MCC: variants seen among roughly 807,000 people sequenced by gnomAD.
MCC encodes the protein MCC regulator of Wnt signaling pathway.
A neutral mutation model predicts 116.2 loss-of-function variants in MCC; 90 were observed. That is an observed-to-expected ratio of 0.77 (90% confidence interval 0.65 to 0.92). MCC has a LOEUF of 0.92. Among genes scored for constraint, MCC ranks in the 40% least tolerant of loss-of-function variants. The pLI is 0.00. For synonymous variants in MCC, 578 were observed against 510.5 expected (o/e 1.13, Z -1.78); for missense variants, 1,516 against 1,312.2 (o/e 1.16, Z -2.40).
chr5:113,268,269 G>A (rs1189318954), intron 3 of MCC, among the ~76,000 whole-genome samples: 2 of 152,138 alleles, frequency 1.3e-5, no homozygotes, highest in African/African-American at 4.8e-5. Flanking sequence ...TGGAACTGAG[G>A]TCCCTCAAGG....
chr5:113,481,687 C>A (rs568274095), intron 1 of MCC, among the ~76,000 whole-genome samples: 1 of 151,984 alleles, frequency 6.6e-6, no homozygotes, highest in Non-Finnish European at 1.5e-5. Flanking sequence ...TGCAGTGAGC[C>A]GAGATTGTGC....
At chr5:113,305,511 C>T (rs1011758914) in intron 3 of MCC, among the ~76,000 whole-genome samples, 1 of 152,216 alleles carries the variant, frequency 6.6e-6, no homozygotes, top group East Asian at 1.9e-4. Flanking sequence ...AGTTTCCAGT[C>T]TAATAAGTTT....
chr5:113,086,873 C>T (rs889534668), intron 8 of MCC, among the ~76,000 whole-genome samples: 10 of 152,210 alleles, frequency 6.6e-5, no homozygotes, highest in Admixed American at 5.9e-4. Flanking sequence ...AAAACAGATT[C>T]CAGGGCCCTA....
chr5:113,048,901 G>A (rs1321949110), intron 16 of MCC, 192 bp downstream of exon 16: 1 of 604,394 alleles, frequency 1.7e-6, no homozygotes, highest in Non-Finnish European at 3.0e-6. Context: ...GTGAGATTTG[G>A]TATTTCTAAA....
intron 3 of MCC, among the ~76,000 whole-genome samples, chr5:113,312,673 T>C (rs1218181450): frequency 1.3e-5 from 2 of 152,232 alleles, no homozygotes; most frequent in African/African-American, 4.8e-5. Flanking sequence ...CAAAGAACTA[T>C]GAGAACTACT....
chr5:113,262,165 T>A (rs1765241401), intron 3 of MCC, among the ~76,000 whole-genome samples: 1 of 152,130 alleles, frequency 6.6e-6, no homozygotes, highest in Non-Finnish European at 1.5e-5. Flanking sequence ...AACAAATGCA[T>A]CCTCTAGGAT....
intron 3 of MCC, among the ~76,000 whole-genome samples, chr5:113,283,327 A>C (rs930380343): frequency 3.3e-5 from 5 of 152,250 alleles, no homozygotes; most frequent in African/African-American, 1.2e-4. Context: ...ACTCAACATC[A>C]ACAAAAGCCA....
intron 1 of MCC, among the ~76,000 whole-genome samples, chr5:113,464,828 G>A (rs460079): frequency 0.72 from 109,556 of 151,444 alleles, 40,065 homozygotes; most frequent in East Asian, 0.88. Flanking sequence ...TCCACTCATG[G>A]CAGCAATAAA....
chr5:113,426,968 C>T (rs1187705322), intron 1 of MCC, among the ~76,000 whole-genome samples: 1 of 152,068 alleles, frequency 6.6e-6, no homozygotes, highest in Admixed American at 6.5e-5. Context: ...CTCAAAATAG[C>T]CTTTGAGGAC....
At chr5:113,326,295 G>T (rs2077909937) in intron 3 of MCC, among the ~76,000 whole-genome samples, 1 of 152,110 alleles carries the variant, frequency 6.6e-6, no homozygotes, top group South Asian at 2.1e-4. Context: ...TATCATTTGG[G>T]TGCTGTCTTA....
intron 3 of MCC, among the ~76,000 whole-genome samples, chr5:113,315,328 A>G (rs1304605803): frequency 6.6e-6 from 1 of 152,154 alleles, no homozygotes; most frequent in African/African-American, 2.4e-5. Context: ...TAGAAATTGA[A>G]TATTCTTTAC....
At chr5:113,452,176 C>T (rs941003630) in intron 1 of MCC, among the ~76,000 whole-genome samples, 1 of 152,198 alleles carries the variant, frequency 6.6e-6, no homozygotes, top group Non-Finnish European at 1.5e-5. Context: ...AAGTCACACA[C>T]CATCACTTCC....
At chr5:113,479,160 A>G (rs543204748) in intron 1 of MCC, among the ~76,000 whole-genome samples, 2 of 152,380 alleles carry the variant, frequency 1.3e-5, no homozygotes, top group South Asian at 4.1e-4. Flanking sequence ...CTACTGATAT[A>G]TGTAAAAGTA....
intron 3 of MCC, among the ~76,000 whole-genome samples, chr5:113,221,292 C>G (rs1763544144): frequency 6.6e-6 from 1 of 152,238 alleles, no homozygotes; most frequent in Non-Finnish European, 1.5e-5. Context: ...AAAATTGTAA[C>G]TGAGACAGTG....
At chr5:113,187,416 T>C (rs945226277) in intron 3 of MCC, among the ~76,000 whole-genome samples, 32 of 152,086 alleles carry the variant, frequency 2.1e-4, no homozygotes, top group Non-Finnish European at 3.2e-4. Flanking sequence ...GCCTCCTCTG[T>C]TTCCTTTTAA....
chr5:113,197,873 C>T (rs1461814163), intron 3 of MCC, among the ~76,000 whole-genome samples: 2 of 152,230 alleles, frequency 1.3e-5, no homozygotes, highest in Admixed American at 6.5e-5. Context: ...GGCTATGCTG[C>T]GTTCCGTAAA....
intron 3 of MCC, among the ~76,000 whole-genome samples, chr5:113,327,561 A>AAATATATATATATATATATATAT (rs1480996383): frequency 2.1e-4 from 17 of 80,568 alleles, no homozygotes; most frequent in Non-Finnish European, 3.2e-4. Flanking sequence ...AAAAAAAAAA[A>AAATATATATATATATATATATAT]ATATATATAT....
chr5:113,173,950 C>G (rs1761198742), intron 3 of MCC, among the ~76,000 whole-genome samples: 1 of 152,114 alleles, frequency 6.6e-6, no homozygotes, highest in Non-Finnish European at 1.5e-5. Flanking sequence ...AGACAGAGAC[C>G]TTTCTACATT....
intron 11 of MCC, among the ~76,000 whole-genome samples, chr5:113,074,901 C>T (rs1188501501): frequency 1.3e-5 from 2 of 152,208 alleles, no homozygotes; most frequent in African/African-American, 4.8e-5. Flanking sequence ...TGACAAAGTG[C>T]TAGCAGCCCT....
Sources: gnomAD v4.1 joint callset for allele counts (sites outside exome capture counted in the v4.1 genomes callset) on GRCh38, gnomAD v4.1.1 for gene constraint, MANE v1.5 for transcripts, NCBI Gene and HGNC (gene_info 2026-07-23, HGNC 2026-07-21) for gene names.